CFHR4: variants seen among roughly 807,000 people sequenced by gnomAD.
CFHR4 encodes complement factor H related 4.
In CFHR4, 64 loss-of-function variants were observed where a neutral mutation model predicts 69.3. The observed-to-expected ratio is 0.92, with a 90% CI of 0.76 to 1.14. The LOEUF (loss-of-function observed/expected upper bound fraction) is 1.14, where lower values mean the gene tolerates loss of function less well. CFHR4 is among the 50% of genes most tolerant of loss of function. CFHR4 has a pLI of 0.00. For missense variants in CFHR4, 636 were observed against 684.9 expected (o/e 0.93, Z 0.80); for synonymous variants, 244 against 237.0 (o/e 1.03, Z -0.27).
At chr1:196,905,570 C>T (rs1476083160) in intron 3 of CFHR4, among the ~76,000 whole-genome samples, 2 of 151,416 alleles carry the variant, frequency 1.3e-5, no homozygotes, top group Admixed American at 6.6e-5. Context: ...ATGGGAATAT[C>T]AGCACAATGT....
intron 5 of CFHR4, among the ~76,000 whole-genome samples, chr1:196,908,734 A>G (rs1355950044): frequency 6.6e-6 from 1 of 151,534 alleles, no homozygotes; most frequent in Non-Finnish European, 1.5e-5. Context: ...GATACCCATC[A>G]GGCCTTGCAT....
At chr1:196,907,866 A>G (rs934989037) in intron 5 of CFHR4, among the ~76,000 whole-genome samples, 1 of 151,312 alleles carries the variant, frequency 6.6e-6, no homozygotes, top group South Asian at 2.1e-4. Context: ...AGTTTTGAAA[A>G]CACTGTTTTA....
At chr1:196,891,040 C>T (rs1657001237) in intron 1 of CFHR4, among the ~76,000 whole-genome samples, 2 of 151,324 alleles carry the variant, frequency 1.3e-5, no homozygotes. Context: ...CACTTGAGGC[C>T]AGGAGTTTGG....
At chr1:196,899,998 A>T (rs1657511396) in intron 1 of CFHR4, among the ~76,000 whole-genome samples, 2 of 151,624 alleles carry the variant, frequency 1.3e-5, no homozygotes, top group Admixed American at 1.3e-4. Flanking sequence ...GGTGACAGTG[A>T]ATCTGCATTA....
intron 6 of CFHR4, 80 bp downstream of exon 6, chr1:196,910,558 G>T: frequency 8.4e-7 from 1 of 1,193,010 alleles, no homozygotes; most frequent in Non-Finnish European, 1.2e-6. Flanking sequence ...TGATTACATT[G>T]TCTTATATGA....
chr1:196,911,160 A>G lies in CFHR4; in HGVS notation c.997+682A>G, dbSNP rs1328165714. ...TACACCTTTAACTGGAAAATTTTGTATATCAACTCTCAAGCTGAATATATG... is the reference window on the plus strand; with the variant it reads ...TACACCTTTAACTGGAAAATTTTGTGTATCAACTCTCAAGCTGAATATATG... On this transcript the variant is annotated intron_variant, in intron 6 of 9. Coordinates refer to ENST00000608469, the MANE Select transcript of CFHR4 (RefSeq NM_001201550.3). Among the ~76,000 whole-genome samples, 3 of 151,614 alleles carry G rather than the reference A, an allele frequency of 2.0e-5. 1 individual carries two copies. The highest frequency in any genetic ancestry group is 7.3e-5 in the African/African-American group (3 of 41,124).
At chr1:196,908,092 T>C (rs532868887) in intron 5 of CFHR4, among the ~76,000 whole-genome samples, 1 of 151,304 alleles carries the variant, frequency 6.6e-6, no homozygotes, top group South Asian at 2.1e-4. Flanking sequence ...CTCACTCAGA[T>C]GTGGGAACTG....
intron 2 of CFHR4, 100 bp downstream of exon 2, chr1:196,902,715 C>A: frequency 1.1e-6 from 1 of 886,320 alleles, no homozygotes; most frequent in Non-Finnish European, 1.7e-6. Context: ...GAAATAGGAC[C>A]AAAGGAAGAG....
chr1:196,907,290 C>T, intron 4 of CFHR4, 26 bp from the exon 5 acceptor site: 1 of 1,581,512 alleles, frequency 6.3e-7, no homozygotes, highest in Non-Finnish European at 8.7e-7. Context: ...GTTGATTTTT[C>T]CCCAATGTAA....
chr1:196,909,955 C>T (rs990622810), intron 5 of CFHR4, among the ~76,000 whole-genome samples: 1 of 150,794 alleles, frequency 6.6e-6, no homozygotes, highest in African/African-American at 2.5e-5. Context: ...AGTTCGAGAC[C>T]AGCCTGACCA....
chr1:196,917,111 T>A (rs545178497), intron 9 of CFHR4, among the ~76,000 whole-genome samples: 1 of 148,416 alleles, frequency 6.7e-6, no homozygotes, highest in East Asian at 2.0e-4. Context: ...TGATATGTAC[T>A]ATGTTAAGAA....
chr1:196,913,502 T>C (rs2124971786), intron 7 of CFHR4, among the ~76,000 whole-genome samples: 1 of 151,600 alleles, frequency 6.6e-6, no homozygotes, highest in Non-Finnish European at 1.5e-5. Flanking sequence ...ACAAACCTCC[T>C]ACCTGCCAAT....
At position 196,906,842 on chromosome 1, in the gene CFHR4, CA is replaced by C. The variant is rs1558244732; in HGVS notation, c.440-17del. The C allele has an allele frequency of 6.3e-7, 1 of 1,594,760 alleles. No individual in the cohort carries two copies. Among genetic ancestry groups the C allele is most frequent in the Non-Finnish European group, 8.5e-7 (1 of 1,172,328 alleles). Reference sequence around the variant, plus strand: ...TCATATGGCATAGAAAAGCAATCCTCAATTTTATTTTGTTTCAGAATTTTGT... The same window carrying C: ...TCATATGGCATAGAAAAGCAATCCTCATTTTATTTTGTTTCAGAATTTTGT... On this transcript the variant is annotated intron_variant, in intron 3 of 9. Transcript: ENST00000608469.
At position 196,906,801 on chromosome 1, in the gene CFHR4, T is replaced by A. The variant is rs57937821; in HGVS notation, c.440-60T>A. The A allele has an allele frequency of 1.2e-3, 1,890 of 1,512,054 alleles. 67 individuals are homozygous for A. The African/African-American group carries it at 0.024, about 19-fold the overall frequency. The allele number at this position is 1,512,054 out of a possible 1,614,324, so 93.7% of individuals were successfully genotyped here. On this transcript the variant is annotated intron_variant, in intron 3 of 9. Coordinates refer to ENST00000608469, the MANE Select transcript of CFHR4 (RefSeq NM_001201550.3). ...ATTTTATTCCTACAATGGGACTTTC[T>A]TAGTCGAGTTGTACATCATATGGCA... is the stretch of plus-strand genomic sequence containing the variant.
chr1:196,915,659 AAAAT>A (rs1558253016), intron 9 of CFHR4, among the ~76,000 whole-genome samples: 2 of 140,812 alleles, frequency 1.4e-5, no homozygotes, highest in Non-Finnish European at 3.1e-5. Flanking sequence ...TAAAAAATAA[AAAAT>A]AAATAAATAA....
rs1658788249 is a variant in CFHR4, at chr1:196,918,459, G to T, written c.*53G>T. On this transcript the variant is annotated 3_prime_UTR_variant, in exon 10 of 10. Transcript: ENST00000608469. ...CCAACTTCCACTTCTCACTCTTATG[G>T]TCTCAAAGCTTGCAAAGATAGCTTC... The T allele has an allele frequency of 1.3e-6, 2 of 1,510,644 alleles. No homozygotes were observed. Among genetic ancestry groups the T allele is most frequent in the Non-Finnish European group, 1.8e-6 (2 of 1,089,518 alleles). 93.6% of individuals were successfully genotyped at this position (1,510,644 alleles called of 1,614,324 possible). A position where few individuals can be genotyped will look rare whatever the true frequency, so the allele number is the denominator to read the frequency against.
In CFHR4 at chr1:196,912,872, G is replaced by T. The variant is rs771073623; in HGVS notation, c.1130G>T (p.Gly377Val). 1 of 1,611,336 alleles carries T rather than the reference G, an allele frequency of 6.2e-7. No homozygotes were observed. Among genetic ancestry groups the T allele is most frequent in the South Asian group, 1.1e-5 (1 of 90,782 alleles). Residue 377 changes from glycine to valine, a missense_variant, in exon 7 of 10, where the codon GGT becomes GTT. Gly to Val is a moderately radical substitution (Grantham distance 109). Coordinates refer to ENST00000608469, the MANE Select transcript of CFHR4 (RefSeq NM_001201550.3). ...GCAACAGCAGATGGAAATTCTTCAG[G>T]TTCAATTACATGTTTGCAAAATGGA... ...GYATADGNSS[G>V]SITCLQNGWS... is the part of the protein sequence containing the mutation.
At chr1:196,911,932 T>C (rs1658290300) in intron 6 of CFHR4, among the ~76,000 whole-genome samples, 1 of 151,488 alleles carries the variant, frequency 6.6e-6, no homozygotes, top group Admixed American at 6.6e-5. Context: ...TGACAAATGC[T>C]ATATTATAAA....
At chr1:196,901,576 G>GA (rs1346537961) in intron 1 of CFHR4, among the ~76,000 whole-genome samples, 5 of 151,134 alleles carry the variant, frequency 3.3e-5, no homozygotes, top group Non-Finnish European at 7.4e-5. Flanking sequence ...ATATTTCATA[G>GA]AAAAAATGAA....
Sources: gnomAD v4.1 joint callset for allele counts (sites outside exome capture counted in the v4.1 genomes callset) on GRCh38, gnomAD v4.1.1 for gene constraint, MANE v1.5 for transcripts, NCBI Gene and HGNC (gene_info 2026-07-23, HGNC 2026-07-21) for gene names.